Variants in ZNF385D observed in about 807,000 individuals in gnomAD.
ZNF385D encodes the protein zinc finger protein 385D.
ZNF385D carries 15 observed loss-of-function variants against 35.8 expected under a neutral mutation model. The ratio of observed to expected loss-of-function variants is 0.42; its 90% CI spans 0.28 to 0.64. The LOEUF is 0.64. Ranked by LOEUF, ZNF385D falls within the 30% of genes least tolerant of loss-of-function variation. ZNF385D has a pLI of 0.23. For synonymous variants in ZNF385D, 212 were observed against 186.8 expected (o/e 1.13, Z -1.10); for missense variants, 474 against 494.6 (o/e 0.96, Z 0.39).
At chr3:21,948,279 T>A (rs1701893739) in intron 3 of ZNF385D, among the ~76,000 whole-genome samples, 1 of 152,046 alleles carries the variant, frequency 6.6e-6, no homozygotes, top group Non-Finnish European at 1.5e-5. Context: ...ATTCCAATAT[T>A]GGCTCTATGA....
chr3:22,131,972 A>G (rs1448761673), intron 3 of ZNF385D, among the ~76,000 whole-genome samples: 1 of 152,194 alleles, frequency 6.6e-6, no homozygotes, highest in African/African-American at 2.4e-5. Flanking sequence ...AAACATATTA[A>G]GTATGTTCAC....
Position 22,334,579 on chromosome 3 carries a change from G to A in ZNF385D, c.106+37871C>T, listed in dbSNP as rs1351951781. Among the ~76,000 whole-genome samples the A allele has an allele frequency of 2.6e-5, 4 of 151,986 alleles. No individual in the cohort carries two copies. The South Asian group carries it at 8.3e-4, about 31-fold the overall frequency. ...ATGAATTCTCTCAACTTGTTTGTCT[G>A]AAAAAGTTATCATCTGACCATAATA... On this transcript the variant is annotated intron_variant, in intron 2 of 5. Transcript: ENST00000494108.
At chr3:21,628,492 A>G (rs1033978118) in intron 2 of ZNF385D, among the ~76,000 whole-genome samples, 9 of 147,194 alleles carry the variant, frequency 6.1e-5, no homozygotes, top group African/African-American at 2.0e-4. Flanking sequence ...AGTAGTTTAT[A>G]TGAAAAATCT....
chr3:21,689,484 A>G (rs1003332738), intron 1 of ZNF385D, among the ~76,000 whole-genome samples: 7 of 152,186 alleles, frequency 4.6e-5, no homozygotes, highest in Non-Finnish European at 8.8e-5. Flanking sequence ...ACTTGAGGAA[A>G]AACTATAAAT....
rs562190313 is a variant in ZNF385D, at chr3:21,711,038, A to ATTTTTTTTTT, written c.22+39856_22+39857insAAAAAAAAAA. Among the ~76,000 whole-genome samples the ATTTTTTTTTT allele has an allele frequency of 2.9e-4, 16 of 55,822 alleles. 1 individual carries two copies. The highest frequency in any genetic ancestry group is 1.2e-3 in the East Asian group (2 of 1,676). 36.6% of individuals were successfully genotyped at this position (55,822 alleles called of 152,430 possible). A position where few individuals can be genotyped will look rare whatever the true frequency, so the allele number is the denominator to read the frequency against. ...GTCTTAATTTCCTTATCCCTCTAAAAGTTTTTTTTTTTTTTTTTTTTGAGA... is the reference window on the plus strand; with the variant it reads ...GTCTTAATTTCCTTATCCCTCTAAAATTTTTTTTTTGTTTTTTTTTTTTTTTTTTTTGAGA... On this transcript the variant is annotated intron_variant, in intron 1 of 7. Coordinates refer to ENST00000281523, the MANE Select transcript of ZNF385D (RefSeq NM_024697.3).
At chr3:21,832,880 G>C (rs73820153) in intron 3 of ZNF385D, among the ~76,000 whole-genome samples, 1 of 152,234 alleles carries the variant, frequency 6.6e-6, no homozygotes, top group African/African-American at 2.4e-5. Context: ...CCATGCACCA[G>C]ATATTCAGTT....
intron 3 of ZNF385D, among the ~76,000 whole-genome samples, chr3:22,103,012 GA>G (rs1453353077): frequency 1.3e-4 from 19 of 150,552 alleles, no homozygotes; most frequent in Non-Finnish European, 5.9e-5. Flanking sequence ...ATATATAAGT[GA>G]ATAAATTTCT....
chr3:22,005,575 C>T (rs1048875278), intron 3 of ZNF385D, among the ~76,000 whole-genome samples: 14 of 151,898 alleles, frequency 9.2e-5, no homozygotes, highest in African/African-American at 2.7e-4. Flanking sequence ...CAATTACACA[C>T]GTATCAAAAT....
chr3:21,532,797 C>G (rs1248163009), intron 3 of ZNF385D, among the ~76,000 whole-genome samples: 2 of 151,964 alleles, frequency 1.3e-5, no homozygotes, highest in Non-Finnish European at 2.9e-5. Context: ...TTACTAAATG[C>G]CTATGATGGC....
chr3:22,285,070 A>C (rs1701955632), intron 2 of ZNF385D, among the ~76,000 whole-genome samples: 1 of 152,168 alleles, frequency 6.6e-6, no homozygotes, highest in South Asian at 2.1e-4. Flanking sequence ...CTGGCCATAT[A>C]CAAGTTTAAT....
At chr3:21,678,683 C>CA (rs2066805526) in intron 1 of ZNF385D, among the ~76,000 whole-genome samples, 1 of 152,036 alleles carries the variant, frequency 6.6e-6, no homozygotes. Context: ...CAGAATGAGT[C>CA]AAATTGCTTT....
At chr3:22,083,359 T>C (rs1005392332) in intron 3 of ZNF385D, among the ~76,000 whole-genome samples, 8 of 152,158 alleles carry the variant, frequency 5.3e-5, no homozygotes, top group Non-Finnish European at 7.4e-5. Context: ...AATGGCTAGC[T>C]AGAATAAACA....
At chr3:21,975,533 A>G (rs919631245) in intron 3 of ZNF385D, among the ~76,000 whole-genome samples, 3 of 152,074 alleles carry the variant, frequency 2.0e-5, no homozygotes, top group Non-Finnish European at 2.9e-5. Context: ...ACACTTTAAA[A>G]TAACTAAAAG....
At chr3:22,125,592 C>T (rs1449074774) in intron 3 of ZNF385D, among the ~76,000 whole-genome samples, 3 of 152,030 alleles carry the variant, frequency 2.0e-5, no homozygotes, top group African/African-American at 2.4e-5. Flanking sequence ...TATGTGTCAT[C>T]CTCAATTTCT....
At chr3:21,985,234 T>C (rs971346777) in intron 3 of ZNF385D, among the ~76,000 whole-genome samples, 1 of 80,288 alleles carries the variant, frequency 1.2e-5, no homozygotes, top group African/African-American at 5.4e-5. Flanking sequence ...AGGGCATCCC[T>C]GTCTTGTTCC....
intron 2 of ZNF385D, among the ~76,000 whole-genome samples, chr3:22,222,636 A>G (rs1698326561): frequency 6.6e-6 from 1 of 152,162 alleles, no homozygotes. Flanking sequence ...TACTGCTCTG[A>G]AGCTCAGTGT....
chr3:21,773,887 A>T (rs1433198367), intron 3 of ZNF385D, among the ~76,000 whole-genome samples: 1 of 152,040 alleles, frequency 6.6e-6, no homozygotes, highest in African/African-American at 2.4e-5. Flanking sequence ...TAGAGGCAGA[A>T]ATACCATTTG....
chr3:22,116,194 C>T (rs1225619469), intron 3 of ZNF385D, among the ~76,000 whole-genome samples: 1 of 151,810 alleles, frequency 6.6e-6, no homozygotes, highest in East Asian at 1.9e-4. Flanking sequence ...TAGAAAAAAG[C>T]TCTCAAGTTA....
chr3:22,194,670 C>A (rs75058788), intron 2 of ZNF385D, among the ~76,000 whole-genome samples: 1 of 151,948 alleles, frequency 6.6e-6, no homozygotes, highest in African/African-American at 2.4e-5. Context: ...TGTAGGCATA[C>A]CCTTTTTACA....
Sources: gnomAD v4.1 joint callset for allele counts (sites outside exome capture counted in the v4.1 genomes callset) on GRCh38, gnomAD v4.1.1 for gene constraint, MANE v1.5 for transcripts, NCBI Gene and HGNC (gene_info 2026-07-23, HGNC 2026-07-21) for gene names.